The following TWSG1 variants were observed in gnomAD, a reference collection of about 807,000 sequenced individuals.
The protein encoded by TWSG1 is twisted gastrulation protein homolog 1.
TWSG1 carries 15 observed loss-of-function variants against 23.0 expected under a neutral mutation model. The observed-to-expected ratio is 0.65, with a 90% CI of 0.44 to 1.00. The LOEUF is 1.00. Among genes scored for constraint, TWSG1 ranks in the 50% least tolerant of loss-of-function variants. The probability of loss-of-function intolerance (pLI) is 0.00; values close to 1 mark genes in which losing one functional copy is unlikely to be tolerated. For missense variants in TWSG1, 242 were observed against 278.7 expected (o/e 0.87, Z 0.94); for synonymous variants, 86 against 92.8 (o/e 0.93, Z 0.42).
chr18:9,355,137 TG>T (rs1358866956), intron 2 of TWSG1, among the ~76,000 whole-genome samples: 8 of 152,224 alleles, frequency 5.3e-5, no homozygotes, highest in African/African-American at 1.9e-4. Context: ...TTGTATTTTT[TG>T]GTAGAGACGG....
intron 3 of TWSG1, among the ~76,000 whole-genome samples, chr18:9,363,047 A>G (rs930108295): frequency 1.3e-5 from 2 of 152,132 alleles, no homozygotes; most frequent in African/African-American, 2.4e-5. Context: ...CTCCTTCCTA[A>G]GTTGAAATAG....
At chr18:9,364,752 C>T in intron 3 of TWSG1, among the ~76,000 whole-genome samples, 1 of 151,786 alleles carries the variant, frequency 6.6e-6, no homozygotes, top group East Asian at 1.9e-4. Flanking sequence ...CGAGATAGTG[C>T]CACTGCACTC....
At chr18:9,385,039 C>T (rs780449328) in intron 3 of TWSG1, among the ~76,000 whole-genome samples, 2 of 152,088 alleles carry the variant, frequency 1.3e-5, no homozygotes, top group African/African-American at 2.4e-5. Flanking sequence ...GTGACCTTTC[C>T]GGCTAAACCC....
intron 3 of TWSG1, among the ~76,000 whole-genome samples, chr18:9,386,781 A>G (rs999275837): frequency 3.9e-5 from 6 of 152,232 alleles, no homozygotes; most frequent in African/African-American, 1.4e-4. Context: ...AAAATATTTC[A>G]GAAAGAATAA....
At chr18:9,367,315 C>T (rs1002962840) in intron 3 of TWSG1, among the ~76,000 whole-genome samples, 2 of 152,146 alleles carry the variant, frequency 1.3e-5, no homozygotes, top group African/African-American at 2.4e-5. Context: ...TTATTTCTAT[C>T]TAACTGAAAT....
chr18:9,366,144 A>G (rs142600130), intron 3 of TWSG1, among the ~76,000 whole-genome samples: 1 of 152,358 alleles, frequency 6.6e-6, no homozygotes, highest in African/African-American at 2.4e-5. Context: ...TAATGTTGAT[A>G]TAGAAATAGC....
intron 3 of TWSG1, among the ~76,000 whole-genome samples, chr18:9,392,468 G>T (rs1369154869): frequency 1.3e-5 from 2 of 152,196 alleles, no homozygotes; most frequent in Non-Finnish European, 2.9e-5. Context: ...CCTTGCTCTG[G>T]ATTGAACTTT....
At chr18:9,342,561 T>G (rs1014886859) in intron 2 of TWSG1, among the ~76,000 whole-genome samples, 1 of 152,208 alleles carries the variant, frequency 6.6e-6, no homozygotes, top group Non-Finnish European at 1.5e-5. Flanking sequence ...TTTCTAATTA[T>G]CTTTCTTTAC....
At chr18:9,385,005 AAG>A (rs975840576) in intron 3 of TWSG1, among the ~76,000 whole-genome samples, 8 of 152,112 alleles carry the variant, frequency 5.3e-5, no homozygotes, top group Admixed American at 3.9e-4. Flanking sequence ...AATTGCATAA[AAG>A]GGGGTTATGG....
At chr18:9,382,801 C>T (rs1252615386) in intron 3 of TWSG1, among the ~76,000 whole-genome samples, 2 of 37,608 alleles carry the variant, frequency 5.3e-5, no homozygotes, top group African/African-American at 1.5e-4. Flanking sequence ...AGTAAGACTC[C>T]GTCTCAAAAA....
At chr18:9,396,614 C>G (rs1464045504) in intron 4 of TWSG1, 68 bp downstream of exon 4, 1 of 1,545,068 alleles carries the variant, frequency 6.5e-7, no homozygotes. Flanking sequence ...ATCTATAAAA[C>G]CTATATAAGA....
intron 2 of TWSG1, among the ~76,000 whole-genome samples, chr18:9,339,132 G>A (rs2040434872): frequency 6.6e-6 from 1 of 151,976 alleles, no homozygotes; most frequent in Non-Finnish European, 1.5e-5. Context: ...TTGAGCCCAG[G>A]AGGTTGAGGC....
chr18:9,390,716 T>C (rs548452716), intron 3 of TWSG1, among the ~76,000 whole-genome samples: 2 of 152,328 alleles, frequency 1.3e-5, no homozygotes, highest in African/African-American at 4.8e-5. Flanking sequence ...ACAGTAGAAC[T>C]TCTTTCAAAA....
chr18:9,350,623 TG>T (rs959743274), intron 2 of TWSG1, among the ~76,000 whole-genome samples: 1 of 152,228 alleles, frequency 6.6e-6, no homozygotes. Context: ...AAAGAGGCAC[TG>T]TTTGATATAT....
intron 2 of TWSG1, among the ~76,000 whole-genome samples, chr18:9,338,662 G>A (rs1459635557): frequency 1.3e-5 from 2 of 152,162 alleles, no homozygotes; most frequent in African/African-American, 4.8e-5. Flanking sequence ...AATAAGGCAC[G>A]CCTGCTTAGG....
chr18:9,386,314 GC>G (rs139460418), intron 3 of TWSG1, among the ~76,000 whole-genome samples: 18,037 of 151,738 alleles, frequency 0.12, 1,260 homozygotes, highest in Middle Eastern at 0.27. Context: ...ACAAAAATTA[GC>G]CGGGCGTGGT....
chr18:9,343,252 A>G lies in TWSG1; in HGVS notation c.123+5900A>G, dbSNP rs1345686885. On this transcript the variant is annotated intron_variant, in intron 2 of 4. Coordinates refer to ENST00000262120, the MANE Select transcript of TWSG1 (RefSeq NM_020648.6). Reference sequence around the variant, plus strand: ...TATATATATATATATATATATATATATATATATATCTTGTCCTAACATACA... The same window carrying G: ...TATATATATATATATATATATATATGTATATATATCTTGTCCTAACATACA... Among the ~76,000 whole-genome samples, 16 of 44,090 alleles carry G rather than the reference A, an allele frequency of 3.6e-4. 1 individual carries two copies. The highest frequency in any genetic ancestry group is 1.2e-3 in the African/African-American group (15 of 12,838). 28.9% of individuals were successfully genotyped at this position (44,090 alleles called of 152,430 possible).
At chr18:9,377,554 A>G (rs187541309) in intron 3 of TWSG1, among the ~76,000 whole-genome samples, 2 of 152,144 alleles carry the variant, frequency 1.3e-5, no homozygotes, top group South Asian at 2.1e-4. Context: ...TGCTGGAACA[A>G]CTGGCCATCC....
chr18:9,377,637 A>T (rs570662300), intron 3 of TWSG1, among the ~76,000 whole-genome samples: 1 of 152,358 alleles, frequency 6.6e-6, no homozygotes, highest in East Asian at 1.9e-4. Flanking sequence ...AGACCTAAAT[A>T]AATGTAAACA....
Sources: allele counts gnomAD v4.1 joint callset (sites outside exome capture counted in the v4.1 genomes callset), GRCh38; gene constraint gnomAD v4.1.1; transcripts MANE v1.5; gene names NCBI Gene and HGNC (gene_info 2026-07-23, HGNC 2026-07-21).